The following CGGBP1 variants were observed in gnomAD, a reference collection of about 807,000 sequenced individuals.
CGGBP1 encodes CGG triplet repeat-binding protein 1.
In CGGBP1, 4 loss-of-function variants were observed where a neutral mutation model predicts 11.4. The ratio of observed to expected loss-of-function variants is 0.35; its 90% CI spans 0.17 to 0.80. The LOEUF (loss-of-function observed/expected upper bound fraction) is 0.80. Ranked by LOEUF, CGGBP1 falls within the 30% of genes least tolerant of loss-of-function variation. The probability of loss-of-function intolerance (pLI) is 0.52; values close to 1 mark genes in which losing one functional copy is unlikely to be tolerated. For synonymous variants in CGGBP1, 76 were observed against 74.1 expected (o/e 1.03, Z -0.13); for missense variants, 135 against 202.1 (o/e 0.67, Z 2.01).
At chr3:88,131,087 C>G (rs1373235378) in intron 2 of CGGBP1, among the ~76,000 whole-genome samples, 1 of 152,102 alleles carries the variant, frequency 6.6e-6, no homozygotes, top group Non-Finnish European at 1.5e-5. Flanking sequence ...GATGGTATAT[C>G]CTACTGCACA....
At chr3:88,059,290 G>T, upstream of CGGBP1, 1 of 1,531,858 alleles carries the variant, frequency 6.5e-7, no homozygotes, top group South Asian at 1.2e-5. Context: ...GCGGCGCAGG[G>T]GCTGGTACGC....
In CGGBP1 at chr3:88,095,449, C is replaced by T. The variant is rs1237661214; in HGVS notation, c.-228-37226G>A. ...TTTTCCTCTTTGGTTTCTGTATCCT[C>T]AAGGTACGCATGCAACATCAGTCTC... On this transcript the variant is annotated intron_variant, in intron 2 of 3. Transcript: ENST00000462901. 1.9e-5 allele frequency: 7 copies of T among 359,586 alleles called. No homozygotes were observed. In the East Asian group the frequency reaches 6.2e-4, roughly 32 times the overall value. The allele number at this position is 359,586 out of a possible 1,614,324, so 22.3% of individuals were successfully genotyped here. A position where few individuals can be genotyped will look rare whatever the true frequency, so the allele number is the denominator to read the frequency against.
chr3:88,052,694 A>C lies in CGGBP1; in HGVS notation c.*2779T>G, dbSNP rs1706454879. ...GTCCCTGAAAATTCAATAGGGCCAA[A>C]TGCATTAACTGGAAATAGCATTTTT... On this transcript the variant is annotated 3_prime_UTR_variant, in exon 4 of 4. Coordinates refer to ENST00000482016, the MANE Select transcript of CGGBP1 (RefSeq NM_001008390.2). 6.6e-6 allele frequency: 1 copy of C among 152,260 alleles called. No homozygotes were observed. The highest frequency in any genetic ancestry group is 1.5e-5 in the Non-Finnish European group (1 of 68,024). The allele number at this position is 152,260 out of a possible 1,614,324, so 9.4% of individuals were successfully genotyped here. A position where few individuals can be genotyped will look rare whatever the true frequency, so the allele number is the denominator to read the frequency against.
intron 2 of CGGBP1, among the ~76,000 whole-genome samples, chr3:88,086,803 G>A (rs1438981659): frequency 6.6e-6 from 1 of 152,178 alleles, no homozygotes; most frequent in Non-Finnish European, 1.5e-5. Context: ...TTCTTTTTGA[G>A]AAGGAGTCTC....
At chr3:88,088,142 C>T (rs1708433693) in intron 2 of CGGBP1, among the ~76,000 whole-genome samples, 3 of 152,174 alleles carry the variant, frequency 2.0e-5, no homozygotes, top group African/African-American at 7.2e-5. Context: ...CCTTTGCATT[C>T]TGGCATTTAC....
chr3:88,138,964 G>C (rs1328514488), intron 2 of CGGBP1: 1 of 1,244,816 alleles, frequency 8.0e-7, no homozygotes, highest in Non-Finnish European at 1.0e-6. Context: ...GTTCAAAATC[G>C]TGTTCGTTTT....
At chr3:88,086,822 G>A (rs1346103472) in intron 2 of CGGBP1, among the ~76,000 whole-genome samples, 1 of 152,146 alleles carries the variant, frequency 6.6e-6, no homozygotes, top group Non-Finnish European at 1.5e-5. Context: ...TCGCTCTGTC[G>A]CCCAGGCTGG....
chr3:88,104,965 C>T (rs1473095121), intron 2 of CGGBP1, among the ~76,000 whole-genome samples: 1 of 152,158 alleles, frequency 6.6e-6, no homozygotes, highest in Non-Finnish European at 1.5e-5. Flanking sequence ...ATAGTGAAAC[C>T]CTGTCTCTAC....
intron 2 of CGGBP1, among the ~76,000 whole-genome samples, chr3:88,133,581 T>C (rs1399896858): frequency 6.8e-6 from 1 of 147,626 alleles, no homozygotes; most frequent in Non-Finnish European, 1.5e-5. Context: ...TGAAGTACTT[T>C]CCAAATATAG....
In CGGBP1 at chr3:88,087,432, T is replaced by C. The variant is rs548824669; in HGVS notation, c.-228-29209A>G. On this transcript the variant is annotated intron_variant, in intron 2 of 3. Transcript: ENST00000462901. ...GAACTTCAAATTAAAGATTAAAAAC[T>C]GAACATTTGTGATTATGCCTTCTGC... Among the ~76,000 whole-genome samples, 44 of 152,324 alleles carry C rather than the reference T, an allele frequency of 2.9e-4. 1 individual carries two copies. In the South Asian group the frequency reaches 4.6e-3, roughly 16 times the overall value.
intron 2 of CGGBP1, chr3:88,138,565 C>G (rs1320661605): frequency 2.0e-5 from 9 of 446,348 alleles, no homozygotes; most frequent in Non-Finnish European, 2.9e-5. Flanking sequence ...TTAAACAAGG[C>G]TACTAAATAT....
chr3:88,086,984 A>T (rs969863756), intron 2 of CGGBP1, among the ~76,000 whole-genome samples: 2 of 152,076 alleles, frequency 1.3e-5, no homozygotes, highest in African/African-American at 4.8e-5. Flanking sequence ...GGGTTTCACC[A>T]TGTTAGCCAG....
At chr3:88,091,726 A>G (rs1708640550) in intron 2 of CGGBP1, among the ~76,000 whole-genome samples, 1 of 152,154 alleles carries the variant, frequency 6.6e-6, no homozygotes, top group South Asian at 2.1e-4. Context: ...GATAGTGAAT[A>G]AGTCTCATGA....
At chr3:88,118,575 G>A (rs937338482) in intron 2 of CGGBP1, among the ~76,000 whole-genome samples, 2 of 152,028 alleles carry the variant, frequency 1.3e-5, no homozygotes, top group African/African-American at 4.8e-5. Context: ...CTCAAAACCT[G>A]GACCATGGCC....
At chr3:88,106,618 C>G (rs1334676635) in intron 2 of CGGBP1, among the ~76,000 whole-genome samples, 1 of 152,216 alleles carries the variant, frequency 6.6e-6, no homozygotes. Context: ...GCTGGGATTA[C>G]AGGTGTGAGC....
intron 2 of CGGBP1, among the ~76,000 whole-genome samples, chr3:88,119,181 C>G (rs1705601956): frequency 6.8e-6 from 1 of 147,370 alleles, no homozygotes; most frequent in South Asian, 2.2e-4. Flanking sequence ...GTGGCACATA[C>G]ACACCATGGA....
At chr3:88,148,686 G>T (rs1163580063) in intron 1 of CGGBP1, among the ~76,000 whole-genome samples, 1 of 152,176 alleles carries the variant, frequency 6.6e-6, no homozygotes, top group Non-Finnish European at 1.5e-5. Context: ...CCAGGTTGGG[G>T]TGCAGTGAGT....
At chr3:88,140,625 A>C (rs771496301) in intron 2 of CGGBP1, 2 of 1,613,782 alleles carry the variant, frequency 1.2e-6, no homozygotes, top group Non-Finnish European at 1.7e-6. Flanking sequence ...AATAGAGCAA[A>C]CACCTTTAGT....
chr3:88,103,227 G>T (rs763538691), intron 2 of CGGBP1, among the ~76,000 whole-genome samples: 1 of 152,186 alleles, frequency 6.6e-6, no homozygotes. Context: ...ACTAGATCCC[G>T]ATATAAAGGC....
Sources: gnomAD v4.1 joint callset for allele counts (sites outside exome capture counted in the v4.1 genomes callset) on GRCh38, gnomAD v4.1.1 for gene constraint, MANE v1.5 for transcripts, NCBI Gene and HGNC (gene_info 2026-07-23, HGNC 2026-07-21) for gene names.